Variants in NCOA2 observed in about 807,000 individuals in gnomAD.
The protein encoded by NCOA2 is class E basic helix-loop-helix protein 75.
In NCOA2, 21 loss-of-function variants were observed where a neutral mutation model predicts 145.1. That is an observed-to-expected ratio of 0.14 (90% CI 0.10 to 0.21). The LOEUF (loss-of-function observed/expected upper bound fraction) is 0.21. Ranked by LOEUF, NCOA2 falls within the 10% of genes least tolerant of loss-of-function variation. The probability of loss-of-function intolerance (pLI) is 1.00; values close to 1 mark genes in which losing one functional copy is unlikely to be tolerated. For missense variants in NCOA2, 1,472 were observed against 1,837.6 expected, an observed-to-expected ratio of 0.80 and a Z score of 3.64; for synonymous variants, 619 against 637.5, an observed-to-expected ratio of 0.97 and a Z score of 0.44.
At chr8:70,352,990 T>C (rs997599568) in intron 1 of NCOA2, among the ~76,000 whole-genome samples, 1 of 152,190 alleles carries the variant, frequency 6.6e-6, no homozygotes, top group African/African-American at 2.4e-5. Flanking sequence ...CCCTATGCTT[T>C]AGTACATTCT....
At chr8:70,443,847 T>C in the NCOA2 span, among the ~76,000 whole-genome samples, 1 of 152,300 alleles carries the variant, frequency 6.6e-6, no homozygotes, top group African/African-American at 2.4e-5. Flanking sequence ...AGTGCTGCAA[T>C]TACCGGCTAT....
At chr8:70,199,049 T>C (rs1035949391) in intron 4 of NCOA2, among the ~76,000 whole-genome samples, 1 of 151,912 alleles carries the variant, frequency 6.6e-6, no homozygotes, top group Non-Finnish European at 1.5e-5. Context: ...ATACAAGCAA[T>C]AGTTAAAACT....
chr8:70,286,280 C>T (rs541555742), intron 2 of NCOA2, among the ~76,000 whole-genome samples: 1 of 152,216 alleles, frequency 6.6e-6, no homozygotes. Context: ...GGCATGTTGA[C>T]TGAGGGAGGA....
intron 2 of NCOA2, among the ~76,000 whole-genome samples, chr8:70,275,700 T>G (rs1170520477): frequency 6.6e-6 from 1 of 152,232 alleles, no homozygotes; most frequent in African/African-American, 2.4e-5. Flanking sequence ...AAGCAAATTT[T>G]GCTTTCCTGA....
At chr8:70,183,007 A>G (rs1200967747) in intron 4 of NCOA2, among the ~76,000 whole-genome samples, 1 of 152,198 alleles carries the variant, frequency 6.6e-6, no homozygotes, top group African/African-American at 2.4e-5. Flanking sequence ...CTGATATGAT[A>G]ATGGTGCATC....
the NCOA2 span, among the ~76,000 whole-genome samples, chr8:70,451,233 A>ATATATAT: frequency 2.7e-4 from 23 of 85,730 alleles, no homozygotes; most frequent in East Asian, 4.8e-3. Flanking sequence ...AAAAAAAAAA[A>ATATATAT]AAAAATATAT....
At chr8:70,290,461 T>G (rs1826583680) in intron 2 of NCOA2, among the ~76,000 whole-genome samples, 1 of 152,174 alleles carries the variant, frequency 6.6e-6, no homozygotes, top group South Asian at 2.1e-4. Context: ...GTGCTGGGAT[T>G]ACAGGTGTGA....
At chr8:70,225,015 G>A (rs190548134) in intron 2 of NCOA2, among the ~76,000 whole-genome samples, 3 of 152,124 alleles carry the variant, frequency 2.0e-5, no homozygotes, top group Admixed American at 1.3e-4. Flanking sequence ...CCATCATCCC[G>A]AGACTCTCAG....
chr8:70,261,153 A>C (rs1436389188), intron 2 of NCOA2, among the ~76,000 whole-genome samples: 1 of 152,194 alleles, frequency 6.6e-6, no homozygotes, highest in Non-Finnish European at 1.5e-5. Flanking sequence ...ACATGTACAC[A>C]TATGTTTATT....
chr8:70,139,481 T>C (rs542643346), intron 14 of NCOA2, among the ~76,000 whole-genome samples: 2 of 152,294 alleles, frequency 1.3e-5, no homozygotes, highest in South Asian at 2.1e-4. Context: ...CAAATTTATG[T>C]TTGAGAATCA....
At chr8:70,295,650 A>G (rs1827034122) in intron 2 of NCOA2, among the ~76,000 whole-genome samples, 1 of 152,192 alleles carries the variant, frequency 6.6e-6, no homozygotes, top group Non-Finnish European at 1.5e-5. Flanking sequence ...ATCTAGAAAT[A>G]AGCTTAAGAG....
intron 1 of NCOA2, among the ~76,000 whole-genome samples, chr8:70,394,017 T>C (rs1378693188): frequency 6.6e-6 from 1 of 152,258 alleles, no homozygotes; most frequent in Admixed American, 6.5e-5. Flanking sequence ...GTTAATTGAT[T>C]GTACAACCCT....
intron 3 of NCOA2, among the ~76,000 whole-genome samples, chr8:70,214,332 G>A (rs533462388): frequency 2.0e-5 from 3 of 152,294 alleles, no homozygotes; most frequent in African/African-American, 7.2e-5. Flanking sequence ...ACTTCACAGT[G>A]ACCTGGACTG....
chr8:70,184,973 T>C (rs1447300468), intron 4 of NCOA2, among the ~76,000 whole-genome samples: 1 of 152,228 alleles, frequency 6.6e-6, no homozygotes, highest in Middle Eastern at 3.2e-3. Flanking sequence ...ACTGACATCT[T>C]GCTCCCCAAT....
At chr8:70,429,103 G>C in the NCOA2 span, among the ~76,000 whole-genome samples, 1 of 152,280 alleles carries the variant, frequency 6.6e-6, no homozygotes, top group East Asian at 1.9e-4. Flanking sequence ...TCTGGATCAA[G>C]CTGAGTACAG....
intron 1 of NCOA2, among the ~76,000 whole-genome samples, chr8:70,344,934 T>C (rs1808486069): frequency 6.6e-6 from 1 of 152,232 alleles, no homozygotes; most frequent in Non-Finnish European, 1.5e-5. Flanking sequence ...TCTTCAAGTG[T>C]TGACGCCCAA....
At chr8:70,294,159 C>A (rs193068718) in intron 2 of NCOA2, among the ~76,000 whole-genome samples, 9 of 152,160 alleles carry the variant, frequency 5.9e-5, no homozygotes, top group African/African-American at 2.2e-4. Context: ...GAACCAACTC[C>A]TGATATACTG....
At chr8:70,294,087 T>C (rs1485127887) in intron 2 of NCOA2, among the ~76,000 whole-genome samples, 2 of 152,156 alleles carry the variant, frequency 1.3e-5, no homozygotes, top group African/African-American at 4.8e-5. Flanking sequence ...ATTATATTTT[T>C]ACATAGTATG....
At chr8:70,155,682 T>A (rs1474355535) in intron 11 of NCOA2, among the ~76,000 whole-genome samples, 1 of 152,244 alleles carries the variant, frequency 6.6e-6, no homozygotes, top group African/African-American at 2.4e-5. Flanking sequence ...GCTTTTGCAC[T>A]ACAATGGTGG....
Sources: gnomAD v4.1 joint callset for allele counts (sites outside exome capture counted in the v4.1 genomes callset) on GRCh38, gnomAD v4.1.1 for gene constraint, MANE v1.5 for transcripts, NCBI Gene and HGNC (gene_info 2026-07-23, HGNC 2026-07-21) for gene names.